The following ADCY2 variants were observed in gnomAD, a reference collection of about 807,000 sequenced individuals.
The protein encoded by ADCY2 is adenylate cyclase 2.
A neutral mutation model predicts 125.2 loss-of-function variants in ADCY2; 31 were observed. That is an observed-to-expected ratio of 0.25 (90% CI 0.19 to 0.33). The LOEUF is 0.33. ADCY2 is among the 10% of genes least tolerant of loss of function. ADCY2 has a pLI of 1.00. For missense variants in ADCY2, 904 were observed against 1,418.2 expected (o/e 0.64, Z 5.82); for synonymous variants, 512 against 548.4 (o/e 0.93, Z 0.93).
intron 4 of ADCY2, among the ~76,000 whole-genome samples, chr5:7,689,522 C>T (rs1288984208): frequency 6.6e-6 from 1 of 152,160 alleles, no homozygotes; most frequent in African/African-American, 2.4e-5. Context: ...CCTTGTCTTT[C>T]CATGGAGGGA....
At chr5:7,548,462 G>C (rs1470070294) in intron 3 of ADCY2, among the ~76,000 whole-genome samples, 1 of 151,962 alleles carries the variant, frequency 6.6e-6, no homozygotes, top group Non-Finnish European at 1.5e-5. Context: ...AGAAATCATT[G>C]TAAGAGTAAA....
chr5:7,540,936 C>T (rs1280321168), intron 3 of ADCY2, among the ~76,000 whole-genome samples: 2 of 152,196 alleles, frequency 1.3e-5, no homozygotes, highest in African/African-American at 4.8e-5. Context: ...GTTGTCACAG[C>T]AGTCTGCTTG....
intron 12 of ADCY2, among the ~76,000 whole-genome samples, chr5:7,722,960 C>CAAAAAAAAAAAAAAAAA (rs60426818): frequency 5.0e-4 from 26 of 51,662 alleles, no homozygotes; most frequent in African/African-American, 9.0e-4. Context: ...AACTCCATCT[C>CAAAAAAAAAAAAAAAAA]AAAAAAAAAA....
Position 7,724,632 on chromosome 5 carries a change from T to G in ADCY2, c.1773+18T>G. On this transcript the variant is annotated intron_variant, in intron 13 of 24. Transcript: ENST00000338316. ...AAAAAGAGGTAAGTTTTTTTCTTCT[T>G]CAAAATCATCAATCGAGTTTTCTGA... 6.6e-7 allele frequency: 1 copy of G among 1,504,166 alleles called. No individual in the cohort carries two copies. The highest frequency in any genetic ancestry group is 9.1e-7 in the Non-Finnish European group (1 of 1,101,322). The allele number at this position is 1,504,166 out of a possible 1,614,324, so 93.2% of individuals were successfully genotyped here.
At chr5:7,595,473 A>T (rs1386678929) in intron 3 of ADCY2, among the ~76,000 whole-genome samples, 1 of 152,228 alleles carries the variant, frequency 6.6e-6, no homozygotes, top group Non-Finnish European at 1.5e-5. Flanking sequence ...TTTTAAAAAC[A>T]TAGCATGAAC....
chr5:7,789,562 T>C lies in ADCY2; in HGVS notation c.2470-80T>C, dbSNP rs1744191177. 4 of 1,417,432 alleles carry C rather than the reference T, an allele frequency of 2.8e-6. No individual in the cohort carries two copies. The East Asian group carries it at 9.5e-5, about 34-fold the overall frequency. 87.8% of individuals were successfully genotyped at this position (1,417,432 alleles called of 1,614,324 possible). Reference sequence around the variant, plus strand: ...TTTTTTCGGTTTCATTTTGTTCTTTTTGTTTTCTCTTTAAAACCTCCACTC... The same window carrying C: ...TTTTTTCGGTTTCATTTTGTTCTTTCTGTTTTCTCTTTAAAACCTCCACTC... On this transcript the variant is annotated intron_variant, in intron 19 of 24. Coordinates refer to ENST00000338316, the MANE Select transcript of ADCY2 (RefSeq NM_020546.3).
chr5:7,447,576 G>A (rs1049030646), intron 2 of ADCY2, among the ~76,000 whole-genome samples: 5 of 152,132 alleles, frequency 3.3e-5, no homozygotes, highest in African/African-American at 4.8e-5. Context: ...TTGTTTGTCT[G>A]CCTTTCTTCT....
chr5:7,729,722 A>T (rs970116514), intron 14 of ADCY2, among the ~76,000 whole-genome samples: 6 of 149,140 alleles, frequency 4.0e-5, no homozygotes, highest in Non-Finnish European at 5.9e-5. Flanking sequence ...AAGTATATAT[A>T]TTTTTTTCAT....
chr5:7,800,685 C>T (rs1009919938), intron 20 of ADCY2: 4 of 151,958 alleles, frequency 2.6e-5, no homozygotes, highest in Non-Finnish European at 4.4e-5. Context: ...AGTATGTCCT[C>T]CCCTGGCTAG....
At chr5:7,690,641 C>T (rs2914289) in intron 4 of ADCY2, 50 bp from the exon 5 acceptor site, 734,596 of 1,443,888 alleles carry the variant, frequency 0.51, 192,397 homozygotes, top group Admixed American at 0.56. Flanking sequence ...ATTTGGTCAT[C>T]CCCCGAGGTG....
At chr5:7,405,249 T>C (rs1409967948) in intron 1 of ADCY2, among the ~76,000 whole-genome samples, 1 of 152,152 alleles carries the variant, frequency 6.6e-6, no homozygotes, top group Non-Finnish European at 1.5e-5. Flanking sequence ...AAGAAGGATG[T>C]ATCAATTAAC....
chr5:7,466,680 T>TA (rs1468867213), intron 2 of ADCY2, among the ~76,000 whole-genome samples: 1 of 152,234 alleles, frequency 6.6e-6, no homozygotes, highest in Non-Finnish European at 1.5e-5. Flanking sequence ...GCTGGTGAAT[T>TA]TAATGAGTTT....
At chr5:7,594,000 C>T (rs1736927949) in intron 3 of ADCY2, among the ~76,000 whole-genome samples, 2 of 152,266 alleles carry the variant, frequency 1.3e-5, no homozygotes, top group African/African-American at 4.8e-5. Context: ...AAAAGCAAGC[C>T]AGCCCTGAGA....
intron 4 of ADCY2, among the ~76,000 whole-genome samples, chr5:7,640,700 T>C (rs563478830): frequency 1.4e-4 from 21 of 152,164 alleles, no homozygotes; most frequent in African/African-American, 5.1e-4. Context: ...AAATGAACAA[T>C]ATAAGAGGGA....
chr5:7,753,789 C>G (rs1181858892), intron 15 of ADCY2, among the ~76,000 whole-genome samples: 2 of 152,156 alleles, frequency 1.3e-5, no homozygotes, highest in Non-Finnish European at 2.9e-5. Flanking sequence ...TCCTCCACTT[C>G]CTCTTTCATC....
chr5:7,503,346 C>T (rs1743667658), intron 2 of ADCY2, among the ~76,000 whole-genome samples: 1 of 152,190 alleles, frequency 6.6e-6, no homozygotes, highest in Non-Finnish European at 1.5e-5. Context: ...TGCATCACCA[C>T]AGATGCAGAG....
intron 2 of ADCY2, among the ~76,000 whole-genome samples, chr5:7,448,997 A>G (rs779080884): frequency 3.3e-5 from 5 of 152,192 alleles, no homozygotes; most frequent in Non-Finnish European, 5.9e-5. Context: ...TATACCCAGC[A>G]ATGGAATTAC....
intron 2 of ADCY2, among the ~76,000 whole-genome samples, chr5:7,455,861 C>T (rs565906821): frequency 2.1e-5 from 3 of 144,076 alleles, no homozygotes; most frequent in South Asian, 4.4e-4. Context: ...GTATTATGTA[C>T]ATTGTTATAA....
chr5:7,789,669 T>A lies in ADCY2; in HGVS notation c.2497T>A (p.Leu833Ile). ...TGAATATTACTGTAGGTTAGACTTC[T>A]TATGGAAGAACAAATTCAAAAAAGA... is the stretch of plus-strand genomic sequence containing the variant. ...QNEYYCRLDF[L>I]WKNKFKKERE... The change falls in exon 20 of 25, where the codon TTA becomes ATA. Residue 833 changes from leucine to isoleucine, a missense_variant. Leu to Ile is a conservative substitution (Grantham distance 5). Transcript: ENST00000338316. 6.2e-7 allele frequency: 1 copy of A among 1,614,102 alleles called. No individual in the cohort carries two copies. The highest frequency in any genetic ancestry group is 8.5e-7 in the Non-Finnish European group (1 of 1,180,008).
Sources: allele counts gnomAD v4.1 joint callset (sites outside exome capture counted in the v4.1 genomes callset), GRCh38; gene constraint gnomAD v4.1.1; transcripts MANE v1.5; gene names NCBI Gene and HGNC (gene_info 2026-07-23, HGNC 2026-07-21).